NSMCE2: variants seen among roughly 807,000 people sequenced by gnomAD.
NSMCE2 encodes the protein E3 SUMO-protein ligase NSE2.
NSMCE2 carries 24 observed loss-of-function variants against 23.8 expected under a neutral mutation model. That is an observed-to-expected ratio of 1.01 (90% CI 0.73 to 1.42). The LOEUF is 1.42. Among genes scored for constraint, NSMCE2 ranks in the 40% most tolerant of loss-of-function variants. NSMCE2 has a pLI of 0.00. For synonymous variants in NSMCE2, 92 were observed against 94.1 expected, an observed-to-expected ratio of 0.98 and a Z score of 0.13; for missense variants, 284 against 296.5, an observed-to-expected ratio of 0.96 and a Z score of 0.31.
intron 5 of NSMCE2, among the ~76,000 whole-genome samples, chr8:125,331,999 C>A (rs1019668218): frequency 6.6e-6 from 1 of 152,160 alleles, no homozygotes; most frequent in East Asian, 1.9e-4. Flanking sequence ...CTATTTAATT[C>A]TCACAACATC....
intron 4 of NSMCE2, among the ~76,000 whole-genome samples, chr8:125,161,252 T>A (rs1234134994): frequency 6.6e-6 from 1 of 152,210 alleles, no homozygotes; most frequent in Non-Finnish European, 1.5e-5. Flanking sequence ...AGTGTGATAT[T>A]TAAACCACTA....
At chr8:125,254,748 C>T (rs1217587100) in intron 5 of NSMCE2, among the ~76,000 whole-genome samples, 1 of 152,042 alleles carries the variant, frequency 6.6e-6, no homozygotes, top group Non-Finnish European at 1.5e-5. Context: ...TGGAATCAAC[C>T]TCCTTGGTGC....
chr8:125,283,381 A>G (rs1157993877), intron 5 of NSMCE2, among the ~76,000 whole-genome samples: 1 of 152,102 alleles, frequency 6.6e-6, no homozygotes, highest in Non-Finnish European at 1.5e-5. Context: ...AACCCCGCAT[A>G]TACAAAAATT....
intron 5 of NSMCE2, among the ~76,000 whole-genome samples, chr8:125,231,431 G>A (rs1825318565): frequency 6.6e-6 from 1 of 152,186 alleles, no homozygotes; most frequent in African/African-American, 2.4e-5. Flanking sequence ...CTTTGTTTGA[G>A]TTCTGCCACT....
chr8:125,274,773 T>C (rs2131101875), intron 5 of NSMCE2, among the ~76,000 whole-genome samples: 1 of 151,838 alleles, frequency 6.6e-6, no homozygotes, highest in East Asian at 1.9e-4. Flanking sequence ...CTACTAAAAA[T>C]ACAAAAATTA....
At chr8:125,326,840 C>T (rs918217014) in intron 5 of NSMCE2, among the ~76,000 whole-genome samples, 2 of 151,440 alleles carry the variant, frequency 1.3e-5, no homozygotes, top group Non-Finnish European at 2.9e-5. Flanking sequence ...CTTGTAATCC[C>T]AACTACTCAG....
chr8:125,121,304 G>A (rs932197814), intron 3 of NSMCE2, among the ~76,000 whole-genome samples: 2 of 152,180 alleles, frequency 1.3e-5, no homozygotes, highest in African/African-American at 2.4e-5. Flanking sequence ...AAAGATTTGC[G>A]CTTCCTCTTC....
chr8:125,313,977 T>C (rs993554096), intron 5 of NSMCE2, among the ~76,000 whole-genome samples: 2 of 152,218 alleles, frequency 1.3e-5, no homozygotes, highest in African/African-American at 4.8e-5. Flanking sequence ...CTTTAGGCTA[T>C]CTGGCATTTC....
At chr8:125,097,433 G>T (rs1339955399) in intron 1 of NSMCE2, among the ~76,000 whole-genome samples, 3 of 152,116 alleles carry the variant, frequency 2.0e-5, no homozygotes, top group Admixed American at 6.5e-5. Context: ...GTACCTGTAT[G>T]CCAGGCAAAG....
chr8:125,321,723 G>C lies in NSMCE2; in HGVS notation c.419-35496G>C, dbSNP rs1829467884. Among the ~76,000 whole-genome samples the C allele has an allele frequency of 2.6e-5, 4 of 152,200 alleles. No homozygotes were observed. In the South Asian group the frequency reaches 8.3e-4, roughly 32 times the overall value. ...ACGGGGGGTTATTCCAGGAATGCAA[G>C]ATTGGTTTGACATTTGAAAACTAAT... On this transcript the variant is annotated intron_variant, in intron 5 of 7. Coordinates refer to ENST00000287437, the MANE Select transcript of NSMCE2 (RefSeq NM_173685.4).
chr8:125,159,813 G>A (rs1821510125), intron 4 of NSMCE2, among the ~76,000 whole-genome samples: 1 of 151,836 alleles, frequency 6.6e-6, no homozygotes, highest in Non-Finnish European at 1.5e-5. Flanking sequence ...TACAAAAATC[G>A]GCTGGGTGTG....
intron 3 of NSMCE2, among the ~76,000 whole-genome samples, chr8:125,134,728 T>C (rs1024284736): frequency 8.7e-5 from 13 of 149,214 alleles, no homozygotes; most frequent in African/African-American, 2.7e-4. Flanking sequence ...ATTCCTTTTT[T>C]TTTTTTTTTT....
At chr8:125,298,805 G>T (rs4503114) in intron 5 of NSMCE2, among the ~76,000 whole-genome samples, 3 of 150,322 alleles carry the variant, frequency 2.0e-5, no homozygotes, top group Non-Finnish European at 4.4e-5. Context: ...CATTGGTTCA[G>T]AATAAGCAGG....
intron 3 of NSMCE2, among the ~76,000 whole-genome samples, chr8:125,104,492 G>C (rs1012056868): frequency 1.3e-5 from 2 of 152,192 alleles, no homozygotes; most frequent in African/African-American, 2.4e-5. Flanking sequence ...CAGTGCGATA[G>C]CTCTACTCTG....
rs541300227 is a variant in NSMCE2, at chr8:125,328,979, A to T, written c.419-28240A>T. On this transcript the variant is annotated intron_variant, in intron 5 of 7. Coordinates refer to ENST00000287437, the MANE Select transcript of NSMCE2 (RefSeq NM_173685.4). Reference sequence around the variant, plus strand: ...CTGCATGAGGCCTGTCCCATCAGACAGTCTGCAGACCAAGGAAATGTGAGC... The same window carrying T: ...CTGCATGAGGCCTGTCCCATCAGACTGTCTGCAGACCAAGGAAATGTGAGC... Among the ~76,000 whole-genome samples, 8 of 152,358 alleles carry T rather than the reference A, an allele frequency of 5.3e-5. No homozygotes were observed. In the East Asian group the frequency reaches 1.5e-3, roughly 29 times the overall value.
rs185286533 is a variant in NSMCE2 at position 125,118,193 on chromosome 8, A to G, written c.157+15706A>G. Among the ~76,000 whole-genome samples, 246 of 152,168 alleles carry G rather than the reference A, an allele frequency of 1.6e-3. 1 individual carries two copies. Among genetic ancestry groups the G allele is most frequent in the African/African-American group, 5.7e-3 (238 of 41,524 alleles). Reference sequence around the variant, plus strand: ...AAACCCCATCTCTACTAAAAATACAAAAATTAGCTGGGCATGGTGGCACAC... The same window carrying G: ...AAACCCCATCTCTACTAAAAATACAGAAATTAGCTGGGCATGGTGGCACAC... On this transcript the variant is annotated intron_variant, in intron 3 of 7. Coordinates refer to ENST00000287437, the MANE Select transcript of NSMCE2 (RefSeq NM_173685.4).
intron 5 of NSMCE2, among the ~76,000 whole-genome samples, chr8:125,299,478 C>G (rs1828464145): frequency 1.3e-5 from 2 of 152,118 alleles, no homozygotes; most frequent in Admixed American, 6.6e-5. Context: ...CTGCCACACA[C>G]TTTTAAACCA....
At chr8:125,161,785 A>G (rs2130728962) in intron 4 of NSMCE2, among the ~76,000 whole-genome samples, 1 of 128,674 alleles carries the variant, frequency 7.8e-6, no homozygotes, top group African/African-American at 3.5e-5. Context: ...GAGTGAGACA[A>G]TGTCTCAAAA....
intron 5 of NSMCE2, among the ~76,000 whole-genome samples, chr8:125,213,536 T>TCTCCCCTCCA (rs1424915454): frequency 3.0e-5 from 1 of 33,788 alleles, no homozygotes; most frequent in Non-Finnish European, 5.2e-5. Flanking sequence ...TCTCCTCTCC[T>TCTCCCCTCCA]CTCCCCTCCA....
Sources: allele counts gnomAD v4.1 joint callset (sites outside exome capture counted in the v4.1 genomes callset), GRCh38; gene constraint gnomAD v4.1.1; transcripts MANE v1.5; gene names NCBI Gene and HGNC (gene_info 2026-07-23, HGNC 2026-07-21).